The following PTCHD4 variants were observed in gnomAD, a reference collection of about 807,000 sequenced individuals.
PTCHD4 encodes the protein patched domain containing 4, also known as patched domain-containing protein 4.
PTCHD4 carries 33 observed loss-of-function variants against 58.1 expected under a neutral mutation model. The ratio of observed to expected loss-of-function variants is 0.57; its 90% CI spans 0.43 to 0.76. The LOEUF is 0.76. Ranked by LOEUF, PTCHD4 falls within the 30% of genes least tolerant of loss-of-function variation. The pLI, the probability that PTCHD4 is intolerant of heterozygous loss-of-function variation, is 0.00. For missense variants in PTCHD4, 1,058 were observed against 1,027.1 expected, an observed-to-expected ratio of 1.03 and a Z score of -0.41; for synonymous variants, 478 against 409.6, an observed-to-expected ratio of 1.17 and a Z score of -2.02.
In PTCHD4 at chr6:47,873,509, C is replaced by A. The variant is rs979766106; in HGVS notation, c.*4794G>T. Among the ~76,000 whole-genome samples the A allele has an allele frequency of 6.6e-6, 1 of 151,856 alleles. No individual in the cohort carries two copies. The highest frequency in any genetic ancestry group is 2.1e-4 in the South Asian group (1 of 4,830). ...GTTGATAAATCAAGGTAATTTACTG[C>A]TGCTATACCCATACACAGTCCCTCC... On this transcript the variant is annotated 3_prime_UTR_variant, in exon 5 of 5. Transcript: ENST00000339488.
intron 1 of PTCHD4, among the ~76,000 whole-genome samples, chr6:48,085,638 T>C (rs1256885221): frequency 4.6e-5 from 7 of 152,252 alleles, no homozygotes; most frequent in African/African-American, 7.2e-5. Context: ...TGCATTTCTT[T>C]AGTTGCTGCA....
intron 3 of PTCHD4, among the ~76,000 whole-genome samples, chr6:48,059,647 C>CAAACAAAA: frequency 6.6e-6 from 1 of 151,964 alleles, no homozygotes. Flanking sequence ...AACAAACAAA[C>CAAACAAAA]AAACAAACAA....
At chr6:47,982,481 C>CTTTTTTTTTTTTT (rs375869071) in intron 4 of PTCHD4, among the ~76,000 whole-genome samples, 10 of 130,782 alleles carry the variant, frequency 7.6e-5, no homozygotes, top group Non-Finnish European at 6.3e-5. Flanking sequence ...TTATCTCTCT[C>CTTTTTTTTTTTTT]TTTTTTTTTT....
intron 4 of PTCHD4, among the ~76,000 whole-genome samples, chr6:47,894,986 T>C (rs184614085): frequency 1.3e-5 from 2 of 151,828 alleles, no homozygotes; most frequent in Admixed American, 6.6e-5. Context: ...ACAAAAAAAT[T>C]ATCTGGGCAT....
At chr6:48,009,704 G>T (rs1300253429) in intron 3 of PTCHD4, among the ~76,000 whole-genome samples, 1 of 152,046 alleles carries the variant, frequency 6.6e-6, no homozygotes, top group Non-Finnish European at 1.5e-5. Context: ...TAATTTAATG[G>T]CATTGAAATA....
intron 4 of PTCHD4, among the ~76,000 whole-genome samples, chr6:47,959,561 G>A (rs566019518): frequency 1.3e-5 from 2 of 152,126 alleles, no homozygotes; most frequent in East Asian, 1.9e-4. Flanking sequence ...ACCCATAGAC[G>A]CAAGAAACTC....
rs1763568253 is a variant in PTCHD4, at chr6:47,866,597, C to T, written c.*11706G>A. On this transcript the variant is annotated 3_prime_UTR_variant, in exon 5 of 5. Transcript: ENST00000339488. Reference sequence around the variant, plus strand: ...AAAATGGGGCCTCCCCAGGCCAACTCCAACCTTATCTATAACTCTAAAAAG... The same window carrying T: ...AAAATGGGGCCTCCCCAGGCCAACTTCAACCTTATCTATAACTCTAAAAAG... 6.6e-6 allele frequency among the ~76,000 whole-genome samples: 1 copy of T among 151,770 alleles called. No individual in the cohort carries two copies.
In PTCHD4 at chr6:47,874,631, T is replaced by A. The variant is rs535762887; in HGVS notation, c.*3672A>T. On this transcript the variant is annotated 3_prime_UTR_variant, in exon 5 of 5. Coordinates refer to ENST00000339488, the MANE Select transcript of PTCHD4 (RefSeq NM_001384253.1). ...CTTGAATTTAACATTCAAGAATAAC[T>A]ATAATAGCATCATAAAACATTTGTC... Among the ~76,000 whole-genome samples the A allele has an allele frequency of 6.6e-6, 1 of 151,866 alleles. No individual in the cohort carries two copies. The highest frequency in any genetic ancestry group is 6.6e-5 in the Admixed American group (1 of 15,202).
At chr6:47,981,998 A>G (rs1048301750) in intron 4 of PTCHD4, among the ~76,000 whole-genome samples, 2 of 152,150 alleles carry the variant, frequency 1.3e-5, no homozygotes, top group Non-Finnish European at 2.9e-5. Context: ...ACTTGCCACG[A>G]CTTCTGCATC....
intron 3 of PTCHD4, among the ~76,000 whole-genome samples, chr6:48,055,637 A>G (rs1164896825): frequency 6.6e-6 from 1 of 152,210 alleles, no homozygotes; most frequent in Non-Finnish European, 1.5e-5. Flanking sequence ...TGAAAATAAG[A>G]GCCAAGCTGC....
chr6:47,883,260 G>T (rs994882730), intron 4 of PTCHD4, among the ~76,000 whole-genome samples: 3 of 151,982 alleles, frequency 2.0e-5, no homozygotes, highest in African/African-American at 7.2e-5. Context: ...CTGAGACCAA[G>T]ATTATAGCTT....
At chr6:48,031,791 G>A (rs1003643425) in intron 3 of PTCHD4, among the ~76,000 whole-genome samples, 6 of 152,126 alleles carry the variant, frequency 3.9e-5, no homozygotes, top group Non-Finnish European at 7.4e-5. Flanking sequence ...CCCATTTGCT[G>A]ACATTTGTTT....
rs957186101 is a variant in PTCHD4, at chr6:47,872,354, C to T, written c.*5949G>A. Reference sequence around the variant, plus strand: ...TTTTCCCCCTCTGGTTTGACAGAGCCTTGTGGGCAATGTGCTTACTCTACA... The same window carrying T: ...TTTTCCCCCTCTGGTTTGACAGAGCTTTGTGGGCAATGTGCTTACTCTACA... On this transcript the variant is annotated 3_prime_UTR_variant, in exon 5 of 5. Coordinates refer to ENST00000339488, the MANE Select transcript of PTCHD4 (RefSeq NM_001384253.1). 1.5e-4 allele frequency among the ~76,000 whole-genome samples: 22 copies of T among 151,572 alleles called. No homozygotes were observed. Among genetic ancestry groups the T allele is most frequent in the Admixed American group, 5.9e-4 (9 of 15,172 alleles).
At chr6:48,098,642 G>A (rs1765529446) in intron 1 of PTCHD4, among the ~76,000 whole-genome samples, 1 of 152,068 alleles carries the variant, frequency 6.6e-6, no homozygotes. Context: ...CCTGCCTGGA[G>A]TTTCATGATT....
intron 3 of PTCHD4, among the ~76,000 whole-genome samples, chr6:48,010,761 C>T (rs1476038084): frequency 6.6e-6 from 1 of 152,094 alleles, no homozygotes; most frequent in African/African-American, 2.4e-5. Flanking sequence ...CACCACCCAC[C>T]GATAGGCCCT....
chr6:47,990,330 A>C (rs1354554898), intron 4 of PTCHD4, among the ~76,000 whole-genome samples: 3 of 152,116 alleles, frequency 2.0e-5, no homozygotes, highest in Non-Finnish European at 4.4e-5. Flanking sequence ...GAAAGGCATG[A>C]CTGGTTTTGA....
At chr6:47,941,104 C>T (rs1043958445) in intron 4 of PTCHD4, among the ~76,000 whole-genome samples, 1 of 152,218 alleles carries the variant, frequency 6.6e-6, no homozygotes, top group Non-Finnish European at 1.5e-5. Context: ...TACTCACTCT[C>T]CCTCGTAACA....
intron 4 of PTCHD4, among the ~76,000 whole-genome samples, chr6:47,886,646 TA>T (rs1457960469): frequency 2.6e-5 from 4 of 151,870 alleles, no homozygotes; most frequent in East Asian, 1.9e-4. Context: ...GAATAATGAA[TA>T]AAAAAAATAA....
chr6:47,978,143 C>T (rs1371909585), intron 4 of PTCHD4, among the ~76,000 whole-genome samples: 2 of 152,072 alleles, frequency 1.3e-5, no homozygotes, highest in Non-Finnish European at 2.9e-5. Flanking sequence ...TCCTTTACTT[C>T]TTCTTCCTCT....
Sources: gnomAD v4.1 joint callset for allele counts (sites outside exome capture counted in the v4.1 genomes callset) on GRCh38, gnomAD v4.1.1 for gene constraint, MANE v1.5 for transcripts, NCBI Gene and HGNC (gene_info 2026-07-23, HGNC 2026-07-21) for gene names.